JMJD1C: variants seen among roughly 807,000 people sequenced by gnomAD.
The protein encoded by JMJD1C is jumonji domain-containing protein 1C.
JMJD1C carries 31 observed loss-of-function variants against 245.3 expected under a neutral mutation model. That is an observed-to-expected ratio of 0.13 (90% confidence interval 0.09 to 0.17). The LOEUF (loss-of-function observed/expected upper bound fraction) is 0.17, where lower values mean the gene tolerates loss of function less well. Ranked by LOEUF, JMJD1C falls within the 10% of genes least tolerant of loss-of-function variation. The probability of loss-of-function intolerance (pLI) is 1.00; values close to 1 mark genes in which losing one functional copy is unlikely to be tolerated. For synonymous variants in JMJD1C, 1,057 were observed against 1,017.4 expected, an observed-to-expected ratio of 1.04 and a Z score of -0.74; for missense variants, 2,691 against 3,000.2, an observed-to-expected ratio of 0.90 and a Z score of 2.41.
intron 24 of JMJD1C, among the ~76,000 whole-genome samples, chr10:63,171,957 C>T (rs1168215661): frequency 1.3e-5 from 2 of 152,202 alleles, no homozygotes; most frequent in African/African-American, 2.4e-5. Context: ...CTTAAAACTG[C>T]ATTGCCACCA....
intron 1 of JMJD1C, among the ~76,000 whole-genome samples, chr10:63,514,207 T>C (rs1374793357): frequency 6.6e-6 from 1 of 152,202 alleles, no homozygotes; most frequent in East Asian, 1.9e-4. Context: ...TCAGCCACTG[T>C]GGAAAGCAGT....
chr10:63,177,630 T>G, intron 23 of JMJD1C, 87 bp downstream of exon 23: 1 of 1,380,714 alleles, frequency 7.2e-7, no homozygotes, highest in Non-Finnish European at 1.0e-6. Flanking sequence ...AATGGTCTTA[T>G]ATTGTTGAAT....
At chr10:63,380,203 C>G in intron 2 of JMJD1C, 115 bp downstream of exon 2, 1 of 1,040,150 alleles carries the variant, frequency 9.6e-7, no homozygotes, top group South Asian at 1.3e-5. Context: ...TTCAGCCTCT[C>G]AAAGTGCTAG....
At chr10:63,243,195 T>A (rs1851744955) in intron 3 of JMJD1C, among the ~76,000 whole-genome samples, 1 of 150,500 alleles carries the variant, frequency 6.6e-6, no homozygotes, top group African/African-American at 2.4e-5. Context: ...ATTCTACAAT[T>A]GTTGTGAGCT....
chr10:63,520,563 A>C (rs1955181495), intron 1 of JMJD1C, among the ~76,000 whole-genome samples: 1 of 152,214 alleles, frequency 6.6e-6, no homozygotes, highest in African/African-American at 2.4e-5. Flanking sequence ...TTGCAAGAAC[A>C]GCAAGGTGTA....
intron 2 of JMJD1C, among the ~76,000 whole-genome samples, chr10:63,274,097 CAT>C (rs968535123): frequency 6.6e-5 from 10 of 152,098 alleles, no homozygotes; most frequent in Non-Finnish European, 7.4e-5. Context: ...TTTTTAAAGA[CAT>C]ATGGGTGGAA....
At position 63,214,199 on chromosome 10, in the gene JMJD1C, T is replaced by C. The variant is rs767533800; in HGVS notation, c.1968A>G (p.Val656=). 2.0e-5 allele frequency: 32 copies of C among 1,613,944 alleles called. No homozygotes were observed. The highest frequency in any genetic ancestry group is 2.5e-5 in the Non-Finnish European group (29 of 1,180,018). The change falls in exon 8 of 26, where the codon GTA becomes GTG. Residue 656 remains valine (V), a synonymous_variant. Coordinates refer to ENST00000399262, the MANE Select transcript of JMJD1C (RefSeq NM_032776.3). ...TGTTCACATAAGTGGCCTTAGACTT[T>C]ACAGAATCAGGAGAATGAGTTATTT... ...KPKITHSPDS[V]KSKATYVNSQ...
intron 1 of JMJD1C, among the ~76,000 whole-genome samples, chr10:63,453,099 AC>A (rs1477525845): frequency 6.6e-6 from 1 of 152,012 alleles, no homozygotes; most frequent in East Asian, 1.9e-4. Context: ...ACAGAGCAAA[AC>A]CCCATCTCTA....
chr10:63,185,451 T>A, intron 20 of JMJD1C, 112 bp downstream of exon 20: 1 of 717,126 alleles, frequency 1.4e-6, no homozygotes, highest in Non-Finnish European at 2.5e-6. Flanking sequence ...TATTTATTTT[T>A]AATTGAGAAA....
chr10:63,199,760 A>G (rs550908074), intron 11 of JMJD1C, among the ~76,000 whole-genome samples: 1 of 152,308 alleles, frequency 6.6e-6, no homozygotes, highest in South Asian at 2.1e-4. Flanking sequence ...CATTCTTATC[A>G]ACACGTATTT....
At chr10:63,478,265 C>T (rs1034388211) in intron 1 of JMJD1C, among the ~76,000 whole-genome samples, 10 of 152,158 alleles carry the variant, frequency 6.6e-5, no homozygotes, top group African/African-American at 2.4e-4. Context: ...ACCCAGCAAT[C>T]CCACTTTTAG....
At chr10:63,209,518 T>C (rs1372013897) in intron 8 of JMJD1C, among the ~76,000 whole-genome samples, 1 of 152,180 alleles carries the variant, frequency 6.6e-6, no homozygotes, top group African/African-American at 2.4e-5. Context: ...AAATTTACTA[T>C]AAATGCCATA....
intron 2 of JMJD1C, among the ~76,000 whole-genome samples, chr10:63,267,969 A>C (rs971097840): frequency 3.9e-5 from 6 of 152,118 alleles, no homozygotes; most frequent in Admixed American, 6.6e-5. Flanking sequence ...TTTTTAAAAT[A>C]AATCAGCTAC....
Position 63,510,088 on chromosome 10 carries a change from C to T in JMJD1C, n.113+11650G>A, listed in dbSNP as rs534355054. Among the ~76,000 whole-genome samples the T allele has an allele frequency of 2.6e-5, 4 of 151,862 alleles. No individual in the cohort carries two copies. In the East Asian group the frequency reaches 5.8e-4, roughly 22 times the overall value. Reference sequence around the variant, plus strand: ...CGTGATCTCGGCTCACTGCAAGCTCCGCCTCCTAGGTTCACAAAATTCTCC... The same window carrying T: ...CGTGATCTCGGCTCACTGCAAGCTCTGCCTCCTAGGTTCACAAAATTCTCC... On this transcript the variant is annotated intron_variant and non_coding_transcript_variant, in intron 1 of 3. Coordinates refer to the JMJD1C transcript ENST00000633035.
intron 1 of JMJD1C, among the ~76,000 whole-genome samples, chr10:63,480,234 C>T (rs895589540): frequency 3.3e-5 from 5 of 152,090 alleles, no homozygotes; most frequent in Admixed American, 6.5e-5. Context: ...ACCTACAAAG[C>T]CCATCTTTTG....
chr10:63,492,674 C>T (rs1334549635), intron 1 of JMJD1C, among the ~76,000 whole-genome samples: 1 of 149,002 alleles, frequency 6.7e-6, no homozygotes, highest in African/African-American at 2.5e-5. Flanking sequence ...GGCTCTGTCT[C>T]AAAACAATAT....
At chr10:63,470,023 C>T (rs1953440419), upstream of JMJD1C, among the ~76,000 whole-genome samples, 1 of 152,132 alleles carries the variant, frequency 6.6e-6, no homozygotes, top group Non-Finnish European at 1.5e-5. Context: ...CAAAATATCA[C>T]TTCCTCAAGG....
chr10:63,268,387 A>C (rs760348818), intron 2 of JMJD1C, among the ~76,000 whole-genome samples: 2 of 152,166 alleles, frequency 1.3e-5, no homozygotes, highest in African/African-American at 4.8e-5. Context: ...AAATACCCCC[A>C]CTTTCCTTGA....
At chr10:63,319,821 G>A (rs1320135947) in intron 2 of JMJD1C, among the ~76,000 whole-genome samples, 1 of 152,200 alleles carries the variant, frequency 6.6e-6, no homozygotes, top group Non-Finnish European at 1.5e-5. Context: ...CTGGAATGCA[G>A]TGGTGCTATC....
Sources: gnomAD v4.1 joint callset for allele counts (sites outside exome capture counted in the v4.1 genomes callset) on GRCh38, gnomAD v4.1.1 for gene constraint, MANE v1.5 for transcripts, NCBI Gene and HGNC (gene_info 2026-07-23, HGNC 2026-07-21) for gene names.